The following PLCG2 variants were observed in gnomAD, a reference collection of about 807,000 sequenced individuals.
PLCG2 encodes 1-phosphatidylinositol 4,5-bisphosphate phosphodiesterase gamma-2.
PLCG2 carries 69 observed loss-of-function variants against 175.6 expected under a neutral mutation model. That is an observed-to-expected ratio of 0.39 (90% confidence interval 0.32 to 0.48). The LOEUF is 0.48. Ranked by LOEUF, PLCG2 falls within the 20% of genes least tolerant of loss-of-function variation. The probability of loss-of-function intolerance (pLI) is 0.91; values close to 1 mark genes in which losing one functional copy is unlikely to be tolerated. For synonymous variants in PLCG2, 827 were observed against 624.0 expected (o/e 1.33, Z -4.85); for missense variants, 1,798 against 1,650.9 (o/e 1.09, Z -1.54).
At chr16:81,792,762 C>T (rs914713200) in intron 2 of PLCG2, among the ~76,000 whole-genome samples, 1 of 152,012 alleles carries the variant, frequency 6.6e-6, no homozygotes, top group Non-Finnish European at 1.5e-5. Flanking sequence ...TGGAGGTAAC[C>T]GGCCCTATGA....
rs1450911232 is a variant in PLCG2, at chr16:81,959,380, GT to G, written c.*1383del. The stretch of plus-strand genomic sequence containing the variant: ...AGGCTCTGACCAGAAGATCCTTCTG[GT>G]CCCTTCACTCTACAAAAACTTACTG... On this transcript the variant is annotated 3_prime_UTR_variant, in exon 33 of 33. Coordinates refer to ENST00000564138, the MANE Select transcript of PLCG2 (RefSeq NM_002661.5). 4.5e-6 allele frequency: 1 copy of G among 221,892 alleles called. No homozygotes were observed. The highest frequency in any genetic ancestry group is 6.5e-5 in the East Asian group (1 of 15,320). 13.7% of individuals were successfully genotyped at this position (221,892 alleles called of 1,614,324 possible).
chr16:81,885,712 C>A (rs530629506), intron 9 of PLCG2, among the ~76,000 whole-genome samples: 1 of 152,066 alleles, frequency 6.6e-6, no homozygotes, highest in Admixed American at 6.6e-5. Context: ...ACCCAGCCTG[C>A]ATTTGGATTT....
At chr16:81,863,315 T>C (rs1052889893) in intron 5 of PLCG2, among the ~76,000 whole-genome samples, 4 of 152,268 alleles carry the variant, frequency 2.6e-5, no homozygotes, top group African/African-American at 9.6e-5. Flanking sequence ...TCCTTTTGTA[T>C]CTGGCTTATT....
At chr16:81,901,085 C>G (rs1909130903) in intron 14 of PLCG2, among the ~76,000 whole-genome samples, 3 of 152,222 alleles carry the variant, frequency 2.0e-5, no homozygotes, top group African/African-American at 7.2e-5. Context: ...GTGGTTGGTG[C>G]TACGTTAAGT....
intron 1 of PLCG2, among the ~76,000 whole-genome samples, chr16:81,755,523 C>A (rs118003589): frequency 6.6e-6 from 1 of 151,110 alleles, no homozygotes; most frequent in South Asian, 2.1e-4. Context: ...GTTTCTTTAA[C>A]GTCAGCTTCT....
At chr16:81,898,098 T>G (rs1597116726) in intron 13 of PLCG2, 1 of 284,874 alleles carries the variant, frequency 3.5e-6, no homozygotes, top group South Asian at 2.9e-5. Flanking sequence ...GCTTTGAGAG[T>G]TTGCTTTCAT....
chr16:81,893,674 C>T (rs1042540156), intron 11 of PLCG2, 35 bp from the exon 12 acceptor site: 8 of 1,369,364 alleles, frequency 5.8e-6, no homozygotes, highest in Non-Finnish European at 8.3e-6. Context: ...CTGTGGCTGC[C>T]ACTCTCACAC....
chr16:81,815,386 G>T (rs1276816597), intron 2 of PLCG2, among the ~76,000 whole-genome samples: 2 of 152,178 alleles, frequency 1.3e-5, no homozygotes, highest in African/African-American at 2.4e-5. Flanking sequence ...GATTCCCAGA[G>T]GTGAAGATAC....
intron 2 of PLCG2, among the ~76,000 whole-genome samples, chr16:81,759,599 G>C (rs917796685): frequency 1.1e-4 from 16 of 152,072 alleles, no homozygotes; most frequent in African/African-American, 3.9e-4. Flanking sequence ...TTTCTTTCTA[G>C]TCTGATCTGT....
chr16:81,782,601 C>A (rs1299188847), intron 1 of PLCG2, among the ~76,000 whole-genome samples: 1 of 152,166 alleles, frequency 6.6e-6, no homozygotes, highest in African/African-American at 2.4e-5. Context: ...AATTGCATCT[C>A]ATAAGCTCAT....
Position 81,910,565 on chromosome 16 carries a change from G to C in PLCG2, c.1779G>C (p.Glu593Asp). The change falls in exon 18 of 33, where the codon GAG (glutamate) becomes GAC (aspartate). Residue 593 changes from glutamate to aspartate, a missense_variant. Glu to Asp is a conservative substitution (Grantham distance 45). Coordinates refer to ENST00000564138, the MANE Select transcript of PLCG2 (RefSeq NM_002661.5). ...ACTGCCGGATCCGCTCCACCATGGA[G>C]GGCGGGACCCTGAAATACTACTTGA... ...VQHCRIRSTM[E>D]GGTLKYYLTD... 6.2e-7 allele frequency: 1 copy of C among 1,614,160 alleles called. No homozygotes were observed. Among genetic ancestry groups the C allele is most frequent in the South Asian group, 1.1e-5 (1 of 91,092 alleles).
chr16:81,946,110 C>G lies in PLCG2; in HGVS notation c.3482-65C>G. 2.3e-6 allele frequency: 3 copies of G among 1,284,304 alleles called. No homozygotes were observed. The South Asian group carries it at 3.6e-5, about 15-fold the overall frequency. 79.6% of individuals were successfully genotyped at this position (1,284,304 alleles called of 1,614,324 possible). A position where few individuals can be genotyped will look rare whatever the true frequency, so the allele number is the denominator to read the frequency against. On this transcript the variant is annotated intron_variant, in intron 30 of 32. Transcript: ENST00000564138. ...AGGCCTATGATCCCGAGGTAGCCTC[C>G]AAAAAAAATCTAAGGTCTGACATTA...
At chr16:81,931,173 G>A (rs1910487441) in intron 24 of PLCG2, 1 of 180,050 alleles carries the variant, frequency 5.6e-6, no homozygotes. Context: ...CTTGTTGGAT[G>A]TTGGAATTGC....
chr16:81,927,270 C>G lies in PLCG2; in HGVS notation c.2514+92C>G. ...GTGCCATCTCAGTGGGTGAATTTTT[C>G]CATGTGCTGCTTGTGGTCTCTGTGG... On this transcript the variant is annotated intron_variant, in intron 23 of 32. Coordinates refer to ENST00000564138, the MANE Select transcript of PLCG2 (RefSeq NM_002661.5). 4 of 826,102 alleles carry G rather than the reference C, an allele frequency of 4.8e-6. No individual in the cohort carries two copies. The South Asian group carries it at 5.6e-5, about 12-fold the overall frequency. The allele number at this position is 826,102 out of a possible 1,614,324, so 51.2% of individuals were successfully genotyped here.
At chr16:81,817,616 G>C (rs1304024110) in intron 2 of PLCG2, among the ~76,000 whole-genome samples, 1 of 152,186 alleles carries the variant, frequency 6.6e-6, no homozygotes, top group Non-Finnish European at 1.5e-5. Context: ...TAGAACATCA[G>C]AGGGTACCTT....
intron 2 of PLCG2, among the ~76,000 whole-genome samples, chr16:81,805,038 G>T (rs990564264): frequency 6.6e-6 from 1 of 152,118 alleles, no homozygotes; most frequent in Non-Finnish European, 1.5e-5. Flanking sequence ...ATTTGCCCAA[G>T]GTTACCAAAG....
intron 13 of PLCG2, among the ~76,000 whole-genome samples, chr16:81,896,499 A>T (rs1908897371): frequency 6.6e-6 from 1 of 151,564 alleles, no homozygotes; most frequent in Admixed American, 6.6e-5. Context: ...GATTGCTTGA[A>T]CCTGGCAGGC....
chr16:81,906,426 ATTAC>A (rs1450570327), intron 15 of PLCG2: 1 of 152,066 alleles, frequency 6.6e-6, no homozygotes, highest in Admixed American at 6.6e-5. Context: ...ATATTTATTT[ATTAC>A]TTATTTATTT....
At chr16:81,852,146 C>G (rs1906449503) in intron 2 of PLCG2, 1 of 152,210 alleles carries the variant, frequency 6.6e-6, no homozygotes, top group Non-Finnish European at 1.5e-5. Context: ...GGTTTGATAA[C>G]ACTTTCTTCC....
Sources: gnomAD v4.1 joint callset for allele counts (sites outside exome capture counted in the v4.1 genomes callset) on GRCh38, gnomAD v4.1.1 for gene constraint, MANE v1.5 for transcripts, NCBI Gene and HGNC (gene_info 2026-07-23, HGNC 2026-07-21) for gene names.